RERE: variants seen among roughly 807,000 people sequenced by gnomAD.
RERE encodes the protein arginine-glutamic acid dipeptide repeats protein.
RERE carries 40 observed loss-of-function variants against 146.1 expected under a neutral mutation model. The observed-to-expected ratio is 0.27, with a 90% confidence interval of 0.21 to 0.36. The LOEUF (loss-of-function observed/expected upper bound fraction) is 0.36. RERE is among the 10% of genes least tolerant of loss of function. The pLI, the probability that RERE is intolerant of heterozygous loss-of-function variation, is 1.00. For synonymous variants in RERE, 1,003 were observed against 866.0 expected (o/e 1.16, Z -2.78); for missense variants, 1,933 against 2,138.7 (o/e 0.90, Z 1.90).
At chr1:8,754,961 T>C (rs1640607739) in intron 1 of RERE, among the ~76,000 whole-genome samples, 1 of 152,276 alleles carries the variant, frequency 6.6e-6, no homozygotes, top group Admixed American at 6.5e-5. Context: ...ACTAATCTTA[T>C]GTATTTATTT....
intron 8 of RERE, among the ~76,000 whole-genome samples, chr1:8,499,767 T>C (rs972541514): frequency 2.0e-5 from 3 of 152,244 alleles, no homozygotes; most frequent in South Asian, 2.1e-4. Context: ...TTCTCTAACA[T>C]TGAACTGAGT....
chr1:8,799,063 G>A (rs901499657), intron 1 of RERE, among the ~76,000 whole-genome samples: 6 of 151,534 alleles, frequency 4.0e-5, no homozygotes, highest in Middle Eastern at 3.4e-3. Context: ...GGCAGACCTC[G>A]GCTCACTGCA....
At chr1:8,626,698 A>G (rs984719125) in intron 2 of RERE, among the ~76,000 whole-genome samples, 11 of 152,202 alleles carry the variant, frequency 7.2e-5, no homozygotes, top group African/African-American at 2.7e-4. Flanking sequence ...CCACACAGAA[A>G]CATTCCAAGC....
At chr1:8,726,375 G>T (rs1029523378) in intron 1 of RERE, among the ~76,000 whole-genome samples, 1 of 151,750 alleles carries the variant, frequency 6.6e-6, no homozygotes, top group Non-Finnish European at 1.5e-5. Flanking sequence ...GGCTGGTCTC[G>T]AACTCCTGAC....
At position 8,725,098 on chromosome 1, in the gene RERE, T is replaced by A. The variant is rs554435856; in HGVS notation, c.-144-68657A>T. ...AATGAAAAAAACATAGATGCACAAG[T>A]GGTGACAGAAGTAAACCTAATACTC... is the stretch of plus-strand genomic sequence containing the variant. On this transcript the variant is annotated intron_variant, in intron 1 of 22. Transcript: ENST00000400908. Among the ~76,000 whole-genome samples, 15 of 152,258 alleles carry A rather than the reference T, an allele frequency of 9.9e-5. No individual in the cohort carries two copies. In the East Asian group the frequency reaches 2.7e-3, roughly 27 times the overall value.
intron 4 of RERE, among the ~76,000 whole-genome samples, chr1:8,566,308 T>A (rs1346217779): frequency 6.6e-6 from 1 of 151,862 alleles, no homozygotes; most frequent in Non-Finnish European, 1.5e-5. Flanking sequence ...AAGGGGCAGG[T>A]AGAGGAAAAA....
rs756558790 is a variant in RERE at position 8,360,735 on chromosome 1, G to A, written c.2772C>T (p.Ala924=). The A allele has an allele frequency of 8.1e-6, 13 of 1,597,358 alleles. No individual in the cohort carries two copies. Among genetic ancestry groups the A allele is most frequent in the African/African-American group, 1.3e-5 (1 of 74,402 alleles). The change falls in exon 18 of 23, where the codon GCC becomes GCT. Residue 924 remains alanine, a synonymous_variant. Coordinates refer to ENST00000400908, the MANE Select transcript of RERE (RefSeq NM_001042681.2). ...TAGGCGGGGGCTTGATGTGGGGCAT[G>A]GCCAAGGGCGCTGGTGGCAGGGGCT... is the stretch of plus-strand genomic sequence containing the variant. ...REQPLPPAPL[A]MPHIKPPPTT...
intron 4 of RERE, among the ~76,000 whole-genome samples, chr1:8,602,697 C>A (rs1013726823): frequency 1.3e-5 from 2 of 152,086 alleles, no homozygotes; most frequent in African/African-American, 2.4e-5. Flanking sequence ...AAAAACAAAA[C>A]CAAAAAACTT....
At chr1:8,600,689 T>A (rs532992962) in intron 4 of RERE, among the ~76,000 whole-genome samples, 1 of 152,018 alleles carries the variant, frequency 6.6e-6, no homozygotes, top group South Asian at 2.1e-4. Flanking sequence ...TGTCCCTGCA[T>A]CTTTAAATAC....
intron 4 of RERE, among the ~76,000 whole-genome samples, chr1:8,577,992 G>A (rs1646317092): frequency 6.6e-6 from 1 of 152,090 alleles, no homozygotes; most frequent in South Asian, 2.1e-4. Context: ...TCAGGAAGCT[G>A]AGGCAGGAGA....
At chr1:8,462,446 C>T (rs911514387) in intron 11 of RERE, among the ~76,000 whole-genome samples, 3 of 152,188 alleles carry the variant, frequency 2.0e-5, no homozygotes, top group Admixed American at 1.3e-4. Flanking sequence ...GAGCACTGGC[C>T]GCGGGATGGG....
chr1:8,476,208 C>T (rs909491818), intron 10 of RERE, among the ~76,000 whole-genome samples: 2 of 152,162 alleles, frequency 1.3e-5, no homozygotes, highest in African/African-American at 2.4e-5. Flanking sequence ...ACCTCTCTTC[C>T]ACAGCCAGAG....
At chr1:8,799,799 T>TGTTTG (rs1005990785) in intron 1 of RERE, among the ~76,000 whole-genome samples, 3 of 149,102 alleles carry the variant, frequency 2.0e-5, no homozygotes, top group African/African-American at 7.3e-5. Context: ...GTTAATGTTT[T>TGTTTG]GTTTTGGTTT....
At chr1:8,629,955 G>A (rs1251816972) in intron 2 of RERE, among the ~76,000 whole-genome samples, 1 of 152,146 alleles carries the variant, frequency 6.6e-6, no homozygotes, top group African/African-American at 2.4e-5. Context: ...CAAGCTGGGT[G>A]GCACAGCGGT....
intron 10 of RERE, among the ~76,000 whole-genome samples, chr1:8,475,580 G>C (rs1644745577): frequency 6.6e-6 from 1 of 151,632 alleles, no homozygotes; most frequent in Non-Finnish European, 1.5e-5. Context: ...TACTCAGGAG[G>C]CTGAGGCAGA....
At chr1:8,402,429 C>G (rs1039976983) in intron 12 of RERE, among the ~76,000 whole-genome samples, 5 of 152,176 alleles carry the variant, frequency 3.3e-5, no homozygotes, top group Non-Finnish European at 7.4e-5. Context: ...ATAAGACACC[C>G]TTACTGCCCC....
intron 11 of RERE, among the ~76,000 whole-genome samples, chr1:8,445,635 CAGAT>C (rs1171227827): frequency 6.6e-6 from 1 of 152,026 alleles, no homozygotes; most frequent in Non-Finnish European, 1.5e-5. Flanking sequence ...CAGAAGAAGA[CAGAT>C]AGACAATCGT....
At chr1:8,789,301 A>AAAAAAAAAAATATATATAT in intron 1 of RERE, among the ~76,000 whole-genome samples, 3 of 24,806 alleles carry the variant, frequency 1.2e-4, no homozygotes, top group Non-Finnish European at 1.3e-4. Flanking sequence ...AAAAAAAAAA[A>AAAAAAAAAAATATATATAT]ATATATATAT....
rs536162474 is a variant in RERE at position 8,734,076 on chromosome 1, C to T, written c.-144-77635G>A. ...CAGCCGAAATCGTGCCACTGCACTCCAGTCTAGGCAAAAAGGTGAGACTCC... is the reference window on the plus strand; with the variant it reads ...CAGCCGAAATCGTGCCACTGCACTCTAGTCTAGGCAAAAAGGTGAGACTCC... On this transcript the variant is annotated intron_variant, in intron 1 of 22. Coordinates refer to ENST00000400908, the MANE Select transcript of RERE (RefSeq NM_001042681.2). Among the ~76,000 whole-genome samples the T allele has an allele frequency of 2.8e-4, 42 of 151,920 alleles. 2 individuals are homozygous for T. The South Asian group carries it at 8.5e-3, about 31-fold the overall frequency.
Sources: gnomAD v4.1 joint callset for allele counts (sites outside exome capture counted in the v4.1 genomes callset) on GRCh38, gnomAD v4.1.1 for gene constraint, MANE v1.5 for transcripts, NCBI Gene and HGNC (gene_info 2026-07-23, HGNC 2026-07-21) for gene names.